The following LMO7 variants were observed in gnomAD, a reference collection of about 807,000 sequenced individuals.
The protein encoded by LMO7 is LIM domain only protein 7.
Under a neutral mutation model 206.5 loss-of-function variants are expected in LMO7, and 120 were observed. That is an observed-to-expected ratio of 0.58 (90% CI 0.50 to 0.68). The LOEUF (loss-of-function observed/expected upper bound fraction) is 0.68, where lower values mean the gene tolerates loss of function less well. Among genes scored for constraint, LMO7 ranks in the 30% least tolerant of loss-of-function variants. The pLI is 0.00. For synonymous variants in LMO7, 706 were observed against 681.5 expected (o/e 1.04, Z -0.56); for missense variants, 1,959 against 1,957.9 (o/e 1.00, Z -0.01).
Position 75,800,789 on chromosome 13 carries a change from AAG to A in LMO7, c.574_575del (p.Glu192ArgfsTer4), listed in dbSNP as rs772968441. 4.4e-5 allele frequency: 71 copies of A among 1,614,020 alleles called. No individual in the cohort carries two copies. Among genetic ancestry groups the A allele is most frequent in the Non-Finnish European group, 5.3e-5 (62 of 1,180,004 alleles). On this transcript the variant is annotated frameshift_variant, in exon 7 of 31. Transcript: ENST00000377534. LOFTEE classifies it high-confidence loss of function. ...ATTTCTTGCTCCTCCAAGGCACCAT[AAG>A]AGAGAAGATTCCTTTGAAAGCTTGG... Reference protein sequence around the residue: ...GEFLAPPRHHKREDSFESLDS... With the variant: ...GEFLAPPRHHXREDSFESLDS...
At chr13:75,672,361 C>T (rs2039660826) in intron 1 of LMO7, among the ~76,000 whole-genome samples, 1 of 151,876 alleles carries the variant, frequency 6.6e-6, no homozygotes, top group African/African-American at 2.4e-5. Context: ...TCTGCCTCAG[C>T]CTCCTGAGTA....
chr13:75,805,505 A>T lies in LMO7; in HGVS notation c.941A>T (p.Asn314Ile). ...AATCAGAGGAGGATTTGGGGCACCAATGTGGAGAACTGGCCAACTGTACAA... is the reference window on the plus strand; with the variant it reads ...AATCAGAGGAGGATTTGGGGCACCATTGTGGAGAACTGGCCAACTGTACAA... ...SSNQRRIWGTNVENWPTVQGT... is the reference protein window; with the variant it reads ...SSNQRRIWGTIVENWPTVQGT... Residue 314 changes from asparagine to isoleucine, a missense_variant, in exon 9 of 31, where the codon AAT becomes ATT. Coordinates refer to ENST00000377534, the MANE Select transcript of LMO7 (RefSeq NM_001306080.2). 6.2e-7 allele frequency: 1 copy of T among 1,614,010 alleles called. No homozygotes were observed.
intron 1 of LMO7, among the ~76,000 whole-genome samples, chr13:75,676,385 A>G (rs1490856605): frequency 6.6e-6 from 1 of 152,206 alleles, no homozygotes; most frequent in Admixed American, 6.5e-5. Context: ...TCGCCCTTCT[A>G]TATCTAAGTT....
intron 3 of LMO7, among the ~76,000 whole-genome samples, chr13:75,751,024 A>G (rs1361986090): frequency 6.6e-6 from 1 of 152,104 alleles, no homozygotes; most frequent in Non-Finnish European, 1.5e-5. Flanking sequence ...GGCACTGTCA[A>G]TTGCAGGGTT....
chr13:75,690,720 A>G (rs893229232), intron 1 of LMO7, among the ~76,000 whole-genome samples: 72 of 152,322 alleles, frequency 4.7e-4, no homozygotes, highest in Admixed American at 2.2e-3. Flanking sequence ...TGATAGGCCA[A>G]GTTTGGCCCA....
At chr13:75,632,863 T>TTTTTTTTTTG (rs1555283133), upstream of LMO7, among the ~76,000 whole-genome samples, 3 of 12,132 alleles carry the variant, frequency 2.5e-4, no homozygotes, top group African/African-American at 4.2e-4. Context: ...TACTTAAAAG[T>TTTTTTTTTTG]TTTTTTTTTT....
At chr13:75,757,978 G>C (rs142543425) in intron 3 of LMO7, among the ~76,000 whole-genome samples, 1 of 152,182 alleles carries the variant, frequency 6.6e-6, no homozygotes, top group East Asian at 1.9e-4. Context: ...GGGCCAGGGA[G>C]GGTTGGGCTC....
At chr13:75,839,402 A>T (rs1004199053) in intron 20 of LMO7, among the ~76,000 whole-genome samples, 15 of 152,226 alleles carry the variant, frequency 9.9e-5, no homozygotes, top group Admixed American at 3.9e-4. Context: ...AAGAACATTT[A>T]AAAGTACTGT....
intron 3 of LMO7, among the ~76,000 whole-genome samples, chr13:75,734,828 G>A (rs1594626463): frequency 6.6e-6 from 1 of 152,270 alleles, no homozygotes; most frequent in South Asian, 2.1e-4. Flanking sequence ...GGCCGGGTGT[G>A]GTGGCTCACG....
At position 75,836,420 on chromosome 13, in the gene LMO7, T is replaced by A; in HGVS notation, c.3357T>A (p.Asn1119Lys). ...AGAATATTGAATCCAAAGAAATCAA[T>A]GGAATTCATGATGAAAGCAATGCTT... ...QSSNIESKEI[N>K]GIHDESNAFE... is the part of the protein sequence containing the mutation. Residue 1119 changes from asparagine to lysine, a missense_variant, in exon 19 of 31, where the codon AAT (asparagine) becomes AAA (lysine). Coordinates refer to ENST00000377534, the MANE Select transcript of LMO7 (RefSeq NM_001306080.2). The A allele has an allele frequency of 6.5e-7, 1 of 1,539,750 alleles. No individual in the cohort carries two copies.
chr13:75,638,117 C>T (rs2036153967), intron 1 of LMO7, among the ~76,000 whole-genome samples: 2 of 152,056 alleles, frequency 1.3e-5, no homozygotes, highest in East Asian at 1.9e-4. Flanking sequence ...ACAAACTTGC[C>T]ATTTTGTGTT....
chr13:75,831,736 C>T (rs887166652), intron 15 of LMO7, among the ~76,000 whole-genome samples: 5 of 152,158 alleles, frequency 3.3e-5, no homozygotes, highest in South Asian at 2.1e-4. Flanking sequence ...AGAGTGAGAA[C>T]TTACTCCCAT....
intron 2 of LMO7, among the ~76,000 whole-genome samples, chr13:75,720,144 A>G (rs2043896816): frequency 6.6e-6 from 1 of 151,986 alleles, no homozygotes; most frequent in Non-Finnish European, 1.5e-5. Context: ...TTCCTTAGTG[A>G]GGTGTCTGTT....
Position 75,805,524 on chromosome 13 carries a change from T to A in LMO7, c.960T>A (p.Thr320=). ...GCACCAATGTGGAGAACTGGCCAAC[T>A]GTACAAGGAACTTCAAAGTCCTCTT... is the stretch of plus-strand genomic sequence containing the variant. ...IWGTNVENWP[T]VQGTSKSSCY... Residue 320 remains threonine (T), a synonymous_variant, in exon 9 of 31, where the codon ACT becomes ACA. Coordinates refer to ENST00000377534, the MANE Select transcript of LMO7 (RefSeq NM_001306080.2). 6.2e-7 allele frequency: 1 copy of A among 1,614,028 alleles called. No individual in the cohort carries two copies. The highest frequency in any genetic ancestry group is 8.5e-7 in the Non-Finnish European group (1 of 1,179,884).
intron 2 of LMO7, among the ~76,000 whole-genome samples, chr13:75,716,170 T>A (rs1022918486): frequency 2.6e-4 from 39 of 152,132 alleles, no homozygotes; most frequent in African/African-American, 7.7e-4. Flanking sequence ...TCAGCAATTT[T>A]AAAAAAATCC....
At chr13:75,737,786 A>AT (rs1555305751) in intron 3 of LMO7, among the ~76,000 whole-genome samples, 1,052 of 83,804 alleles carry the variant, frequency 0.013, 44 homozygotes, top group Non-Finnish European at 0.027. Flanking sequence ...ATAAAATAAA[A>AT]AAAAAAAAAA....
chr13:75,627,744 G>C (rs901557722), intron 2 of LMO7: 3 of 151,846 alleles, frequency 2.0e-5, no homozygotes, highest in African/African-American at 7.3e-5. Context: ...GAGAAGCTTA[G>C]TAAACATACA....
intron 11 of LMO7, 84 bp from the exon 12 acceptor site, chr13:75,817,077 T>G: frequency 1.1e-6 from 1 of 909,810 alleles, no homozygotes; most frequent in Non-Finnish European, 1.8e-6. Flanking sequence ...TAGGTGGAAT[T>G]TCCAAATTTA....
At chr13:75,823,428 C>T (rs1437860994) in intron 14 of LMO7, 137 bp from the exon 15 acceptor site, 1 of 693,902 alleles carries the variant, frequency 1.4e-6, no homozygotes, top group Admixed American at 3.0e-5. Context: ...AGAACTCAGC[C>T]CAAGCTTTTA....
Sources: allele counts gnomAD v4.1 joint callset (sites outside exome capture counted in the v4.1 genomes callset), GRCh38; gene constraint gnomAD v4.1.1; transcripts MANE v1.5; gene names NCBI Gene and HGNC (gene_info 2026-07-23, HGNC 2026-07-21).